Variants in PKHD1L1 observed in about 807,000 individuals in gnomAD.
PKHD1L1 encodes the protein PKHD1 like 1, also known as fibrocystin-L.
Under a neutral mutation model 462.9 loss-of-function variants are expected in PKHD1L1, and 434 were observed. The observed-to-expected ratio is 0.94, with a 90% CI of 0.87 to 1.02. The LOEUF is 1.02. PKHD1L1 is among the 50% of genes least tolerant of loss of function. The pLI is 0.00. For synonymous variants in PKHD1L1, 1,781 were observed against 1,750.0 expected (o/e 1.02, Z -0.44); for missense variants, 5,202 against 5,096.1 (o/e 1.02, Z -0.63).
At chr8:109,460,729 A>G (rs947345981) in intron 47 of PKHD1L1, among the ~76,000 whole-genome samples, 1 of 152,192 alleles carries the variant, frequency 6.6e-6, no homozygotes, top group African/African-American at 2.4e-5. Context: ...AACAAGCCCA[A>G]AATGTCAGTG....
At chr8:109,375,466 G>T (rs1470708957) in intron 2 of PKHD1L1, among the ~76,000 whole-genome samples, 1 of 152,070 alleles carries the variant, frequency 6.6e-6, no homozygotes, top group African/African-American at 2.4e-5. Context: ...TTAGCTCGGA[G>T]TGGTTTGATC....
chr8:109,475,363 G>A, intron 51 of PKHD1L1, 94 bp downstream of exon 51: 2 of 1,042,708 alleles, frequency 1.9e-6, no homozygotes, highest in South Asian at 2.0e-5. Context: ...CAGGCCAGAG[G>A]GACTTTCATC....
At position 109,508,051 on chromosome 8, in the gene PKHD1L1, A is replaced by T. The variant is rs147690199; in HGVS notation, c.11228-46A>T. 13 of 1,539,338 alleles carry T rather than the reference A, an allele frequency of 8.4e-6. No individual in the cohort carries two copies. In the African/African-American group the frequency reaches 1.7e-4, roughly 20 times the overall value. ...TAGATGTTATAAGGATTTTTTTGCAAAGAGATTCTGTATTATTGCTAAAAT... is the reference window on the plus strand; with the variant it reads ...TAGATGTTATAAGGATTTTTTTGCATAGAGATTCTGTATTATTGCTAAAAT... On this transcript the variant is annotated intron_variant, in intron 69 of 77. Coordinates refer to ENST00000378402, the MANE Select transcript of PKHD1L1 (RefSeq NM_177531.6).
rs779539731 is a variant in PKHD1L1, at chr8:109,526,839, A to T, written c.12540A>T (p.Arg4180Ser). The change falls in exon 77 of 78, where the codon AGA (arginine) becomes AGT (serine). Residue 4180 changes from arginine (R) to serine (S), a missense_variant. Physicochemically the swap from Arg to Ser is moderately radical, Grantham distance 110. Around this residue, in one of 3 missense-constraint regions of PKHD1L1, gnomAD observed 698 missense variants for 736.3 expected, o/e 0.95. Transcript: ENST00000378402. ...ATAATGTTGTTGGGGTAGAATCCAGAACTTTCAGCCTGCTGGCAGAGTCTG... is the reference window on the plus strand; with the variant it reads ...ATAATGTTGTTGGGGTAGAATCCAGTACTTTCAGCCTGCTGGCAGAGTCTG... ...ILDNVVGVES[R>S]TFSLLAESVS... The T allele has an allele frequency of 1.9e-6, 3 of 1,584,488 alleles. No individual in the cohort carries two copies. In the African/African-American group the frequency reaches 4.0e-5, roughly 21 times the overall value.
At position 109,443,848 on chromosome 8, in the gene PKHD1L1, TG is replaced by T. The variant is rs752457913; in HGVS notation, c.4738del (p.Glu1580AsnfsTer2). The T allele has an allele frequency of 6.2e-7, 1 of 1,613,858 alleles. No individual in the cohort carries two copies. The highest frequency in any genetic ancestry group is 2.2e-5 in the East Asian group (1 of 44,886). ...NITPSTGTVN[E>X]LITIIGHGFS... Reference sequence around the variant, plus strand: ...TTACTCCGTCCACTGGAACAGTAAATGAACTAATAACAATTATTGGACATGG... The same window carrying T: ...TTACTCCGTCCACTGGAACAGTAAATAACTAATAACAATTATTGGACATGG... On this transcript the variant is annotated frameshift_variant, in exon 37 of 78. Transcript: ENST00000378402. LOFTEE classifies it high-confidence loss of function.
intron 27 of PKHD1L1, 51 bp downstream of exon 27, chr8:109,430,088 A>G: frequency 8.6e-7 from 1 of 1,166,092 alleles, no homozygotes; most frequent in Non-Finnish European, 1.2e-6. Flanking sequence ...AATCAGCAAA[A>G]TGTAAACTCT....
chr8:109,422,766 A>C (rs1160031275), intron 23 of PKHD1L1, among the ~76,000 whole-genome samples: 2 of 152,148 alleles, frequency 1.3e-5, no homozygotes, highest in African/African-American at 4.8e-5. Context: ...TATGGTAAGA[A>C]CATGTATAGT....
At chr8:109,497,583 CG>C (rs1379623373) in intron 65 of PKHD1L1, among the ~76,000 whole-genome samples, 2 of 151,942 alleles carry the variant, frequency 1.3e-5, no homozygotes, top group African/African-American at 4.8e-5. Context: ...CCCGCCACCA[CG>C]CCTGGCTAAT....
Position 109,419,269 on chromosome 8 carries a change from T to C in PKHD1L1, c.2524+9T>C, listed in dbSNP as rs1563755009. On this transcript the variant is annotated intron_variant, in intron 22 of 77. Coordinates refer to ENST00000378402, the MANE Select transcript of PKHD1L1 (RefSeq NM_177531.6). ...AATCTCAACATTGGATGGTATGTTG[T>C]ATCATTTTATCTCTGCTTTAATCTA... 1 of 1,565,574 alleles carries C rather than the reference T, an allele frequency of 6.4e-7. No homozygotes were observed. Among genetic ancestry groups the C allele is most frequent in the East Asian group, 2.3e-5 (1 of 44,056 alleles).
chr8:109,407,721 A>T (rs1397833405), intron 17 of PKHD1L1, among the ~76,000 whole-genome samples: 1 of 152,146 alleles, frequency 6.6e-6, no homozygotes, highest in East Asian at 1.9e-4. Flanking sequence ...AAACTAAAAG[A>T]ATTTTTGGAA....
intron 24 of PKHD1L1, among the ~76,000 whole-genome samples, chr8:109,425,958 T>C (rs929641902): frequency 2.0e-5 from 3 of 152,160 alleles, no homozygotes; most frequent in African/African-American, 7.2e-5. Flanking sequence ...TATACAATTA[T>C]GTATCTGGTT....
intron 28 of PKHD1L1, 107 bp downstream of exon 28, chr8:109,433,323 A>G (rs1815215670): frequency 5.1e-6 from 5 of 981,344 alleles, no homozygotes; most frequent in Middle Eastern, 2.6e-4. Flanking sequence ...ATCATGATCC[A>G]GTATTACAAT....
chr8:109,511,677 A>C (rs1489342487), intron 71 of PKHD1L1, among the ~76,000 whole-genome samples: 17 of 151,438 alleles, frequency 1.1e-4, no homozygotes, highest in Admixed American at 7.9e-4. Context: ...GTCTTTATAG[A>C]AGCATGATTT....
chr8:109,464,110 A>C, intron 48 of PKHD1L1, 106 bp from the exon 49 acceptor site: 2 of 761,524 alleles, frequency 2.6e-6, no homozygotes, highest in Non-Finnish European at 3.4e-6. Flanking sequence ...TTTGGAAGAA[A>C]TAAATATATT....
At chr8:109,417,351 T>C (rs1241780658) in intron 21 of PKHD1L1, among the ~76,000 whole-genome samples, 1 of 151,980 alleles carries the variant, frequency 6.6e-6, no homozygotes, top group Non-Finnish European at 1.5e-5. Flanking sequence ...AAAAAAAAAC[T>C]AAAAATTTTT....
intron 38 of PKHD1L1, among the ~76,000 whole-genome samples, chr8:109,447,898 GAAC>G (rs1237027182): frequency 6.6e-6 from 1 of 152,112 alleles, no homozygotes. Flanking sequence ...CAACTCAGTA[GAAC>G]GGACAGAAGG....
rs1821093330 is a variant in PKHD1L1, at chr8:109,533,776, A to G, written c.*3686A>G. Among the ~76,000 whole-genome samples, 1 of 151,574 alleles carries G rather than the reference A, an allele frequency of 6.6e-6. No homozygotes were observed. The highest frequency in any genetic ancestry group is 2.4e-5 in the African/African-American group (1 of 40,836). On this transcript the variant is annotated 3_prime_UTR_variant, in exon 78 of 78. Transcript: ENST00000378402. The stretch of plus-strand genomic sequence containing the variant: ...AATCTCCTTACTAAAAATCTACAGA[A>G]AAATCTTGACAAAAAAAAAATTCCA...
intron 31 of PKHD1L1, 74 bp downstream of exon 31, chr8:109,438,530 T>C: frequency 8.2e-6 from 11 of 1,348,094 alleles, no homozygotes; most frequent in South Asian, 4.5e-5. Flanking sequence ...TTTTGAAGCA[T>C]AGTTTCTTCT....
intron 29 of PKHD1L1, 55 bp from the exon 30 acceptor site, chr8:109,436,282 CT>C: frequency 6.5e-7 from 1 of 1,537,504 alleles, no homozygotes. Context: ...ACTAACATTT[CT>C]TTTTGTTATA....
Sources: gnomAD v4.1 joint callset for allele counts (sites outside exome capture counted in the v4.1 genomes callset) on GRCh38, gnomAD v4.1.1 for gene constraint, gnomAD v4.1.1 regional missense constraint, MANE v1.5 for transcripts, NCBI Gene and HGNC (gene_info 2026-07-23, HGNC 2026-07-21) for gene names.